Variants in DYRK1A observed in about 807,000 individuals in gnomAD.
DYRK1A encodes the protein dual specificity tyrosine-phosphorylation-regulated kinase 1A.
A neutral mutation model predicts 79.7 loss-of-function variants in DYRK1A; 9 were observed. The observed-to-expected ratio is 0.11, with a 90% CI of 0.07 to 0.20. The LOEUF (loss-of-function observed/expected upper bound fraction) is 0.20. Among genes scored for constraint, DYRK1A ranks in the 10% least tolerant of loss-of-function variants. DYRK1A has a pLI of 1.00. For missense variants in DYRK1A, 622 were observed against 956.0 expected (o/e 0.65, Z 4.61); for synonymous variants, 349 against 329.7 (o/e 1.06, Z -0.63).
chr21:37,366,407 CGCGGG>C (rs916663074), upstream of DYRK1A, among the ~76,000 whole-genome samples: 14 of 145,734 alleles, frequency 9.6e-5, no homozygotes, highest in East Asian at 2.0e-4. Flanking sequence ...TCGGCGCGGG[CGCGGG>C]GCGGGGCGGG....
At position 37,523,474 on chromosome 21, in the gene DYRK1A, A is replaced by G; in HGVS notation, c.*10943A>G. ...ATGGAAGAAAAAATAAGAGAGATTC[A>G]TTATGTTCTAATGACTATGAGGGAA... is the stretch of plus-strand genomic sequence containing the variant. On this transcript the variant is annotated 3_prime_UTR_variant, in exon 12 of 12. Coordinates refer to ENST00000647188, the MANE Select transcript of DYRK1A (RefSeq NM_001347721.2). 6.6e-6 allele frequency: 1 copy of G among 152,184 alleles called. No individual in the cohort carries two copies. The highest frequency in any genetic ancestry group is 1.9e-4 in the East Asian group (1 of 5,194). 9.4% of individuals were successfully genotyped at this position (152,184 alleles called of 1,614,324 possible). A position where few individuals can be genotyped will look rare whatever the true frequency, so the allele number is the denominator to read the frequency against.
chr21:37,368,716 TGGTCTAA>T (rs2049368782), intron 1 of DYRK1A, among the ~76,000 whole-genome samples: 1 of 152,168 alleles, frequency 6.6e-6, no homozygotes, highest in South Asian at 2.1e-4. Flanking sequence ...GGGCACTGAC[TGGTCTAA>T]GGTCATACAG....
intron 7 of DYRK1A, among the ~76,000 whole-genome samples, chr21:37,492,361 C>T (rs1192829968): frequency 2.0e-5 from 3 of 152,092 alleles, no homozygotes; most frequent in Non-Finnish European, 4.4e-5. Context: ...ACAAATTGGT[C>T]TCTGAAGACA....
At position 37,493,119 on chromosome 21, in the gene DYRK1A, G is replaced by T; in HGVS notation, c.1027G>T (p.Val343Phe). 6.2e-7 allele frequency: 1 copy of T among 1,613,398 alleles called. No homozygotes were observed. Residue 343 changes from valine to phenylalanine, a missense_variant, in exon 8 of 12, where the codon GTT becomes TTT. This residue lies in a region of DYRK1A where 138 missense variants were observed against 346.4 expected (regional missense o/e 0.40). Transcript: ENST00000647188. ...TATGTGGTCCCTCGGGTGTATTTTGGTTGAAATGCACACTGGAGAACCTCT... is the reference window on the plus strand; with the variant it reads ...TATGTGGTCCCTCGGGTGTATTTTGTTTGAAATGCACACTGGAGAACCTCT... ...IDMWSLGCIL[V>F]EMHTGEPLFS...
At chr21:37,501,451 AGCCACCACACCC>A (rs1260687328) in intron 9 of DYRK1A, 1 of 152,020 alleles carries the variant, frequency 6.6e-6, no homozygotes, top group Admixed American at 6.6e-5. Context: ...TACAGGCATG[AGCCACCACACCC>A]GGCCACTTTT....
chr21:37,486,124 TAAA>T (rs1214497222), intron 5 of DYRK1A: 2 of 156,298 alleles, frequency 1.3e-5, no homozygotes, highest in East Asian at 1.8e-4. Context: ...GTAAGAAAGA[TAAA>T]AAAACCTAAG....
At position 37,372,251 on chromosome 21, in the gene DYRK1A, C is replaced by G. The variant is rs181661631; in HGVS notation, c.-77+4623C>G. On this transcript the variant is annotated intron_variant, in intron 1 of 11. Coordinates refer to ENST00000647188, the MANE Select transcript of DYRK1A (RefSeq NM_001347721.2). Reference sequence around the variant, plus strand: ...TTGAGGCCAGGAGTTCGAAACCAGCCTGGGCAACATGGTGAAACCCTGTCT... The same window carrying G: ...TTGAGGCCAGGAGTTCGAAACCAGCGTGGGCAACATGGTGAAACCCTGTCT... Among the ~76,000 whole-genome samples, 215 of 150,886 alleles carry G rather than the reference C, an allele frequency of 1.4e-3. 2 individuals carry two copies. Among genetic ancestry groups the G allele is most frequent in the Non-Finnish European group, 1.4e-3 (97 of 67,810 alleles).
chr21:37,377,072 A>G (rs2049558918), intron 1 of DYRK1A, among the ~76,000 whole-genome samples: 1 of 152,088 alleles, frequency 6.6e-6, no homozygotes, highest in Non-Finnish European at 1.5e-5. Context: ...TCCAAACCAA[A>G]TGGGATCAGA....
intron 9 of DYRK1A, among the ~76,000 whole-genome samples, chr21:37,496,779 A>G (rs2053283421): frequency 6.6e-6 from 1 of 152,158 alleles, no homozygotes; most frequent in African/African-American, 2.4e-5. Context: ...TAGCTCATTG[A>G]CTTGGATAGC....
chr21:37,386,594 A>C (rs2049765551), intron 1 of DYRK1A, among the ~76,000 whole-genome samples: 1 of 152,268 alleles, frequency 6.6e-6, no homozygotes, highest in South Asian at 2.1e-4. Context: ...TTACCTGTCT[A>C]TTCTAAACAA....
rs1212805654 is a variant in DYRK1A, at chr21:37,524,335, T to C, written c.*11804T>C. On this transcript the variant is annotated 3_prime_UTR_variant, in exon 12 of 12. Transcript: ENST00000647188. ...TTAGCACTCATCAAGATATTTCTAA[T>C]TCACAAGAAAGCAATGGTCAGAAAA... 2 of 152,172 alleles carry C rather than the reference T, an allele frequency of 1.3e-5. No individual in the cohort carries two copies. Among genetic ancestry groups the C allele is most frequent in the African/African-American group, 4.8e-5 (2 of 41,428 alleles). 9.4% of individuals were successfully genotyped at this position (152,172 alleles called of 1,614,324 possible). A position where few individuals can be genotyped will look rare whatever the true frequency, so the allele number is the denominator to read the frequency against.
chr21:37,376,933 T>C (rs1001576438), intron 1 of DYRK1A, among the ~76,000 whole-genome samples: 1 of 152,150 alleles, frequency 6.6e-6, no homozygotes, highest in African/African-American at 2.4e-5. Flanking sequence ...TGTGTATATA[T>C]ACACACACAA....
In DYRK1A at chr21:37,420,355, A is replaced by G. The variant is rs2050441674; in HGVS notation, c.-20A>G. ...CCTTCCCCCACCCCATCAGGATGAT[A>G]TGAGACTTGAAAGAAGACGATGCAT... On this transcript the variant is annotated 5_prime_UTR_variant, in exon 2 of 12. The change creates a new upstream start codon in the 5' untranslated region. Coordinates refer to ENST00000647188, the MANE Select transcript of DYRK1A (RefSeq NM_001347721.2). The G allele has an allele frequency of 6.2e-7, 1 of 1,611,452 alleles. No homozygotes were observed. Among genetic ancestry groups the G allele is most frequent in the Non-Finnish European group, 8.5e-7 (1 of 1,178,374 alleles).
chr21:37,432,285 C>G (rs1326385549), intron 2 of DYRK1A, among the ~76,000 whole-genome samples: 4 of 151,930 alleles, frequency 2.6e-5, no homozygotes, highest in Non-Finnish European at 2.9e-5. Context: ...TCCAATAGTC[C>G]AGTAGTTAAA....
At position 37,480,872 on chromosome 21, in the gene DYRK1A, C is replaced by CTTGTTGTTAG. The variant is rs2052615589; in HGVS notation, c.489+48_489+49insGTTGTTAGTT. On this transcript the variant is annotated intron_variant, in intron 5 of 11. Coordinates refer to ENST00000647188, the MANE Select transcript of DYRK1A (RefSeq NM_001347721.2). The stretch of plus-strand genomic sequence containing the variant: ...GAATTTCATTAGTTAGAAAGAACTT[C>CTTGTTGTTAG]TTAGTGAATCTTGTTGTTAACAGCC... 3 of 1,469,308 alleles carry CTTGTTGTTAG rather than the reference C, an allele frequency of 2.0e-6. No homozygotes were observed. The East Asian group carries it at 6.9e-5, about 34-fold the overall frequency. The allele number at this position is 1,469,308 out of a possible 1,614,324, so 91.0% of individuals were successfully genotyped here.
intron 1 of DYRK1A, among the ~76,000 whole-genome samples, chr21:37,378,932 C>T (rs1161312565): frequency 6.6e-6 from 1 of 151,866 alleles, no homozygotes; most frequent in African/African-American, 2.4e-5. Flanking sequence ...GATGGATGGG[C>T]TTTTTATGGT....
At chr21:37,396,834 G>A (rs1297865753) in intron 1 of DYRK1A, among the ~76,000 whole-genome samples, 1 of 152,144 alleles carries the variant, frequency 6.6e-6, no homozygotes, top group African/African-American at 2.4e-5. Flanking sequence ...AGAGAGTAGT[G>A]AATTAGGGTA....
chr21:37,462,853 G>A (rs2051889288), intron 2 of DYRK1A, among the ~76,000 whole-genome samples: 1 of 152,134 alleles, frequency 6.6e-6, no homozygotes. Flanking sequence ...TCACGATTCT[G>A]CACTGCCTGT....
Position 37,512,891 on chromosome 21 carries a change from G to A in DYRK1A, c.*360G>A. The A allele has an allele frequency of 5.6e-6, 1 of 179,308 alleles. No individual in the cohort carries two copies. The highest frequency in any genetic ancestry group is 1.2e-5 in the Non-Finnish European group (1 of 86,868). The allele number at this position is 179,308 out of a possible 1,614,324, so 11.1% of individuals were successfully genotyped here. A position where few individuals can be genotyped will look rare whatever the true frequency, so the allele number is the denominator to read the frequency against. ...AACTAATTTTAAAGTAAAAGGCACTGCACATAATTTGCATAAAGGGCCCCA... is the reference window on the plus strand; with the variant it reads ...AACTAATTTTAAAGTAAAAGGCACTACACATAATTTGCATAAAGGGCCCCA... On this transcript the variant is annotated 3_prime_UTR_variant, in exon 12 of 12. Coordinates refer to ENST00000647188, the MANE Select transcript of DYRK1A (RefSeq NM_001347721.2).
Sources: gnomAD v4.1 joint callset for allele counts (sites outside exome capture counted in the v4.1 genomes callset) on GRCh38, gnomAD v4.1.1 for gene constraint, gnomAD v4.1.1 regional missense constraint, MANE v1.5 for transcripts, NCBI Gene and HGNC (gene_info 2026-07-23, HGNC 2026-07-21) for gene names.